The following TRMT9B variants were observed in gnomAD, a reference collection of about 807,000 sequenced individuals.
TRMT9B encodes the protein tRNA methyltransferase 9B (putative).
In TRMT9B, 16 loss-of-function variants were observed where a neutral mutation model predicts 11.5. That is an observed-to-expected ratio of 1.39 (90% confidence interval 0.94 to 2.11). The LOEUF is 2.11. Among genes scored for constraint, TRMT9B ranks in the 30% most tolerant of loss-of-function variants. The pLI is 0.00. For synonymous variants in TRMT9B, 274 were observed against 192.4 expected (o/e 1.42, Z -3.51); for missense variants, 941 against 553.8 (o/e 1.70, Z -7.02).
chr8:13,003,785 C>T (rs762224492), intron 2 of TRMT9B, among the ~76,000 whole-genome samples: 1 of 150,894 alleles, frequency 6.6e-6, no homozygotes, highest in Non-Finnish European at 1.5e-5. Context: ...CTCCGCCACC[C>T]TCCCCACAAG....
chr8:12,985,067 T>C (rs966808541), intron 1 of TRMT9B, among the ~76,000 whole-genome samples: 15 of 152,174 alleles, frequency 9.9e-5, no homozygotes, highest in African/African-American at 3.6e-4. Flanking sequence ...ATCCTACTCT[T>C]AGTGAACAGT....
chr8:12,991,637 T>G (rs1258289443), intron 2 of TRMT9B, among the ~76,000 whole-genome samples: 1 of 152,172 alleles, frequency 6.6e-6, no homozygotes, highest in Non-Finnish European at 1.5e-5. Flanking sequence ...AGATTGTACC[T>G]ATAATACAGA....
At chr8:12,947,520 T>C (rs1800323190) in intron 1 of TRMT9B, among the ~76,000 whole-genome samples, 1 of 152,144 alleles carries the variant, frequency 6.6e-6, no homozygotes, top group South Asian at 2.1e-4. Context: ...TTGAATAAAA[T>C]AGATGGTCAA....
chr8:12,997,619 A>G (rs117668125), intron 2 of TRMT9B, among the ~76,000 whole-genome samples: 3 of 152,046 alleles, frequency 2.0e-5, no homozygotes, highest in Non-Finnish European at 2.9e-5. Flanking sequence ...AATATACCAC[A>G]ATTTATTTGA....
chr8:12,977,777 G>A (rs1267258840), intron 1 of TRMT9B, among the ~76,000 whole-genome samples: 1 of 152,274 alleles, frequency 6.6e-6, no homozygotes, highest in East Asian at 1.9e-4. Flanking sequence ...CACTTTGGGA[G>A]GCTGGGGCAG....
intron 2 of TRMT9B, among the ~76,000 whole-genome samples, chr8:12,992,420 C>G (rs1386328343): frequency 1.3e-5 from 2 of 151,906 alleles, no homozygotes; most frequent in Non-Finnish European, 2.9e-5. Flanking sequence ...TTTGGGAGGC[C>G]TGGGTAGACA....
chr8:12,964,261 A>G (rs1310023004), intron 1 of TRMT9B, among the ~76,000 whole-genome samples: 1 of 152,222 alleles, frequency 6.6e-6, no homozygotes, highest in Non-Finnish European at 1.5e-5. Context: ...CATGGGGTAC[A>G]TCCTACAGTT....
chr8:13,000,192 G>C (rs1483579403), intron 2 of TRMT9B, among the ~76,000 whole-genome samples: 2 of 152,186 alleles, frequency 1.3e-5, no homozygotes, highest in Admixed American at 6.5e-5. Flanking sequence ...ACACAGTGGG[G>C]TAATCCTGAT....
chr8:12,957,931 T>G (rs1384091927), intron 1 of TRMT9B, among the ~76,000 whole-genome samples: 1 of 152,178 alleles, frequency 6.6e-6, no homozygotes, highest in Non-Finnish European at 1.5e-5. Flanking sequence ...CCATACCCAT[T>G]AAACCATAAC....
At chr8:12,992,128 C>T (rs1043589795) in intron 2 of TRMT9B, among the ~76,000 whole-genome samples, 3 of 152,088 alleles carry the variant, frequency 2.0e-5, no homozygotes, top group African/African-American at 4.8e-5. Flanking sequence ...AGAAACAGCT[C>T]CTTGATTCAT....
chr8:12,947,291 T>C (rs1489918110), intron 1 of TRMT9B, among the ~76,000 whole-genome samples: 1 of 152,192 alleles, frequency 6.6e-6, no homozygotes, highest in Non-Finnish European at 1.5e-5. Flanking sequence ...GAAGTTAAGC[T>C]CACCCGGGTC....
At chr8:13,018,178 G>A (rs1813126162) in intron 4 of TRMT9B, among the ~76,000 whole-genome samples, 1 of 151,138 alleles carries the variant, frequency 6.6e-6, no homozygotes, top group Admixed American at 6.6e-5. Context: ...GAGGCAGGAG[G>A]ATGGCTTGAG....
At chr8:12,975,943 A>T (rs1281079513) in intron 1 of TRMT9B, among the ~76,000 whole-genome samples, 1 of 152,200 alleles carries the variant, frequency 6.6e-6, no homozygotes, top group African/African-American at 2.4e-5. Flanking sequence ...CAACAAATGA[A>T]TACGATAATA....
At chr8:12,989,471 A>T (rs1806946215) in intron 1 of TRMT9B, among the ~76,000 whole-genome samples, 1 of 152,162 alleles carries the variant, frequency 6.6e-6, no homozygotes, top group South Asian at 2.1e-4. Flanking sequence ...GCGTATAGAC[A>T]AGCCTCCTGC....
chr8:13,029,300 A>G lies in TRMT9B; in HGVS notation c.*7256A>G. The G allele has an allele frequency of 6.0e-6, 1 of 167,174 alleles. No homozygotes were observed. The highest frequency in any genetic ancestry group is 3.4e-3 in the Middle Eastern group (1 of 296). 10.4% of individuals were successfully genotyped at this position (167,174 alleles called of 1,614,324 possible). ...CAAAAGTGCAAAAACTTTTTTCTAC[A>G]ATGTACAGTTATTTTGACTTTTCCC... On this transcript the variant is annotated 3_prime_UTR_variant, in exon 5 of 5. Coordinates refer to ENST00000524591, the MANE Select transcript of TRMT9B (RefSeq NM_020844.3).
At chr8:12,980,100 C>T (rs1050867336) in intron 1 of TRMT9B, among the ~76,000 whole-genome samples, 6 of 152,144 alleles carry the variant, frequency 3.9e-5, no homozygotes, top group Non-Finnish European at 8.8e-5. Flanking sequence ...TAATAAATGA[C>T]CACAAAGTGG....
chr8:12,995,582 C>G (rs1435976917), intron 2 of TRMT9B, among the ~76,000 whole-genome samples: 1 of 152,104 alleles, frequency 6.6e-6, no homozygotes, highest in Non-Finnish European at 1.5e-5. Context: ...TTTCTTTCTT[C>G]TTTTCCTTGT....
At chr8:13,016,143 A>G (rs1812615057) in intron 4 of TRMT9B, among the ~76,000 whole-genome samples, 2 of 139,824 alleles carry the variant, frequency 1.4e-5, no homozygotes, top group South Asian at 2.2e-4. Flanking sequence ...AATATAAGGG[A>G]CCCTGTACCT....
intron 3 of TRMT9B, among the ~76,000 whole-genome samples, chr8:13,009,596 G>T (rs1014517529): frequency 6.6e-6 from 1 of 152,096 alleles, no homozygotes; most frequent in Non-Finnish European, 1.5e-5. Context: ...GCGTATTTGT[G>T]CCTGTGAGAG....
Sources: gnomAD v4.1 joint callset for allele counts (sites outside exome capture counted in the v4.1 genomes callset) on GRCh38, gnomAD v4.1.1 for gene constraint, MANE v1.5 for transcripts, NCBI Gene and HGNC (gene_info 2026-07-23, HGNC 2026-07-21) for gene names.